The following PXDNL variants were observed in gnomAD, a reference collection of about 807,000 sequenced individuals.
PXDNL encodes probable oxidoreductase PXDNL.
Under a neutral mutation model 150.8 loss-of-function variants are expected in PXDNL, and 145 were observed. The ratio of observed to expected loss-of-function variants is 0.96; its 90% CI spans 0.84 to 1.10. The LOEUF is 1.10. Ranked by LOEUF, PXDNL falls within the 50% of genes least tolerant of loss-of-function variation. The pLI is 0.00. For missense variants in PXDNL, 2,087 were observed against 1,873.9 expected, an observed-to-expected ratio of 1.11 and a Z score of -2.10; for synonymous variants, 757 against 725.7, an observed-to-expected ratio of 1.04 and a Z score of -0.69.
Position 51,653,278 on chromosome 8 carries a change from C to T in PXDNL, c.236+1411G>A, listed in dbSNP as rs186787635. On this transcript the variant is annotated intron_variant, in intron 2 of 22. Coordinates refer to ENST00000356297, the MANE Select transcript of PXDNL (RefSeq NM_144651.5). The stretch of plus-strand genomic sequence containing the variant: ...ACTAAAAATACAAAAATTAGCCGGG[C>T]ATGGTGGCAGACACCTGTAATCCCA... 3.2e-3 allele frequency among the ~76,000 whole-genome samples: 484 copies of T among 152,226 alleles called. 3 individuals are homozygous for T. The highest frequency in any genetic ancestry group is 0.011 in the African/African-American group (456 of 41,540).
chr8:51,759,086 C>A (rs899563843), intron 1 of PXDNL, among the ~76,000 whole-genome samples: 3 of 152,172 alleles, frequency 2.0e-5, no homozygotes, highest in Non-Finnish European at 4.4e-5. Flanking sequence ...GTGCTCTGTG[C>A]CAGCACTGAG....
chr8:51,666,455 C>T (rs1815387934), intron 1 of PXDNL, among the ~76,000 whole-genome samples: 1 of 152,136 alleles, frequency 6.6e-6, no homozygotes, highest in South Asian at 2.1e-4. Flanking sequence ...GATACATATA[C>T]ATATATACAT....
At chr8:51,749,055 G>A (rs1316898383) in intron 1 of PXDNL, among the ~76,000 whole-genome samples, 1 of 152,032 alleles carries the variant, frequency 6.6e-6, no homozygotes, top group Non-Finnish European at 1.5e-5. Flanking sequence ...CAAGTTAAAA[G>A]GAATAGTTAT....
intron 19 of PXDNL, among the ~76,000 whole-genome samples, chr8:51,370,650 G>A (rs1302537854): frequency 3.3e-5 from 5 of 152,198 alleles, no homozygotes; most frequent in Non-Finnish European, 7.3e-5. Flanking sequence ...AGGCTGGAGT[G>A]CAATGGCACA....
chr8:51,794,200 G>C (rs1413826513), intron 1 of PXDNL, among the ~76,000 whole-genome samples: 1 of 152,110 alleles, frequency 6.6e-6, no homozygotes, highest in Non-Finnish European at 1.5e-5. Flanking sequence ...TGGGGTACTT[G>C]AAAGAGATGG....
intron 20 of PXDNL, among the ~76,000 whole-genome samples, chr8:51,340,911 C>A (rs1030093126): frequency 7.2e-5 from 11 of 152,214 alleles, no homozygotes; most frequent in Non-Finnish European, 1.0e-4. Context: ...TTCTGTAAAT[C>A]TTCAGTGTCT....
intron 3 of PXDNL, among the ~76,000 whole-genome samples, chr8:51,590,650 C>A (rs1813425037): frequency 6.6e-6 from 1 of 152,140 alleles, no homozygotes; most frequent in Non-Finnish European, 1.5e-5. Flanking sequence ...TTTCTTTTTG[C>A]CTATCTCTCC....
At chr8:51,437,220 A>C (rs572019075) in intron 12 of PXDNL, among the ~76,000 whole-genome samples, 1 of 152,228 alleles carries the variant, frequency 6.6e-6, no homozygotes, top group Non-Finnish European at 1.5e-5. Context: ...ATTTGTCAAC[A>C]AAAAAGTCTA....
At chr8:51,605,899 C>T (rs1813830329) in intron 2 of PXDNL, among the ~76,000 whole-genome samples, 1 of 152,208 alleles carries the variant, frequency 6.6e-6, no homozygotes, top group Admixed American at 6.5e-5. Context: ...TTCTCTTGCT[C>T]TTGCCCTCTC....
At chr8:51,404,099 C>CATGGTCTT (rs1808360966) in intron 17 of PXDNL, among the ~76,000 whole-genome samples, 2 of 152,142 alleles carry the variant, frequency 1.3e-5, no homozygotes, top group Admixed American at 1.3e-4. Context: ...TTCATGGTCT[C>CATGGTCTT]GCTGGCCTCA....
At chr8:51,438,089 T>C (rs1189163955) in intron 12 of PXDNL, among the ~76,000 whole-genome samples, 1 of 152,060 alleles carries the variant, frequency 6.6e-6, no homozygotes, top group African/African-American at 2.4e-5. Context: ...AATAAACTAC[T>C]TAGAAGTATA....
At chr8:51,516,823 T>C (rs1811551438) in intron 4 of PXDNL, among the ~76,000 whole-genome samples, 1 of 152,184 alleles carries the variant, frequency 6.6e-6, no homozygotes. Flanking sequence ...ATTTAATAGA[T>C]GCTCCCTGCC....
chr8:51,746,633 A>T (rs1253477753), intron 1 of PXDNL, among the ~76,000 whole-genome samples: 1 of 152,194 alleles, frequency 6.6e-6, no homozygotes, highest in African/African-American at 2.4e-5. Context: ...TGTGGTATTA[A>T]GGAGGTGGAT....
chr8:51,496,369 C>T (rs1451597060), intron 5 of PXDNL, among the ~76,000 whole-genome samples: 1 of 152,152 alleles, frequency 6.6e-6, no homozygotes, highest in Non-Finnish European at 1.5e-5. Flanking sequence ...AAAATGGGCA[C>T]AAGACAGGGA....
At chr8:51,564,454 T>A (rs1812774766) in intron 3 of PXDNL, among the ~76,000 whole-genome samples, 2 of 151,780 alleles carry the variant, frequency 1.3e-5, no homozygotes. Flanking sequence ...GTTCACAGAT[T>A]ATTTTGCCAC....
At chr8:51,719,113 T>TGAG (rs1816677129) in intron 1 of PXDNL, among the ~76,000 whole-genome samples, 2 of 152,032 alleles carry the variant, frequency 1.3e-5, no homozygotes, top group South Asian at 4.1e-4. Flanking sequence ...TTCTAGGAAG[T>TGAG]GAGGAGCCCC....
chr8:51,325,026 C>T (rs536826682), intron 21 of PXDNL, among the ~76,000 whole-genome samples: 5 of 152,156 alleles, frequency 3.3e-5, no homozygotes, highest in East Asian at 1.9e-4. Flanking sequence ...CCACCACACC[C>T]GGCTAATTTT....
chr8:51,454,526 T>A (rs1809884032), intron 9 of PXDNL, among the ~76,000 whole-genome samples: 1 of 152,192 alleles, frequency 6.6e-6, no homozygotes, highest in African/African-American at 2.4e-5. Flanking sequence ...ATTTAGACTT[T>A]CATATAAGGA....
chr8:51,320,768 A>C lies in PXDNL; in HGVS notation c.4260+16T>G. The C allele has an allele frequency of 6.3e-7, 1 of 1,598,736 alleles. No homozygotes were observed. The highest frequency in any genetic ancestry group is 8.6e-7 in the Non-Finnish European group (1 of 1,167,884). Reference sequence around the variant, plus strand: ...AGTGAAATGGGGAGTTGGACTGGAAAACTCGCAGCACAAACCTCACAAATG... The same window carrying C: ...AGTGAAATGGGGAGTTGGACTGGAACACTCGCAGCACAAACCTCACAAATG... On this transcript the variant is annotated intron_variant, in intron 22 of 22. Coordinates refer to ENST00000356297, the MANE Select transcript of PXDNL (RefSeq NM_144651.5).
Sources: gnomAD v4.1 joint callset for allele counts (sites outside exome capture counted in the v4.1 genomes callset) on GRCh38, gnomAD v4.1.1 for gene constraint, MANE v1.5 for transcripts, NCBI Gene and HGNC (gene_info 2026-07-23, HGNC 2026-07-21) for gene names.